Variants in MUC12 observed in about 807,000 individuals in gnomAD.
MUC12 encodes mucin 12, cell surface associated, also known as mucin-12.
A neutral mutation model predicts 230.8 loss-of-function variants in MUC12; 172 were observed. The ratio of observed to expected loss-of-function variants is 0.75; its 90% CI spans 0.66 to 0.85. The LOEUF is 0.85. Ranked by LOEUF, MUC12 falls within the 40% of genes least tolerant of loss-of-function variation. The probability of loss-of-function intolerance (pLI) is 0.00; values close to 1 mark genes in which losing one functional copy is unlikely to be tolerated. For synonymous variants in MUC12, 1,259 were observed against 2,401.9 expected (o/e 0.52, Z 13.91); for missense variants, 3,506 against 5,920.6 (o/e 0.59, Z 13.38).
rs1157841163 is a variant in MUC12, at chr7:100,990,738, A to T, written c.175A>T (p.Ile59Phe). 2.0e-6 allele frequency: 3 copies of T among 1,537,914 alleles called. No individual in the cohort carries two copies. The highest frequency in any genetic ancestry group is 2.0e-5 in the Admixed American group (1 of 51,006). Reference protein sequence around the residue: ...FSDYGVSVTFITGSTATKHFL... With the variant: ...FSDYGVSVTFFTGSTATKHFL... The stretch of plus-strand genomic sequence containing the variant: ...TGACTATGGGGTGTCAGTCACATTT[A>T]TCACGGGCTCAACTGCAACAAAACA... The change falls in exon 2 of 12, where the codon ATC becomes TTC. Residue 59 changes from isoleucine (I) to phenylalanine (F), a missense_variant. Ile to Phe is a conservative substitution (Grantham distance 21). Coordinates refer to ENST00000536621, the MANE Select transcript of MUC12 (RefSeq NM_001164462.2).
rs201625257 is a variant in MUC12, at chr7:101,006,566, C to T, written c.15052C>T (p.Pro5018Ser). 7.5e-4 allele frequency: 1,157 copies of T among 1,535,322 alleles called. No individual in the cohort carries two copies. Among genetic ancestry groups the T allele is most frequent in the Non-Finnish European group, 9.4e-4 (1,071 of 1,145,188 alleles). ...GTGCTTGTCCCCTCTGGAATCCTTC[C>T]CTGTAGGTAATGACCTTTTCTGAGA... The part of the protein sequence containing the change: ...YQCLSPLESF[P>S]VETPEKLNAT... Residue 5018 changes from proline (P) to serine (S), a missense_variant, in exon 3 of 12, where the codon CCT (proline) becomes TCT (serine). Transcript: ENST00000536621.
chr7:100,971,571 G>A (rs1447118814), intron 1 of MUC12, among the ~76,000 whole-genome samples: 5 of 152,308 alleles, frequency 3.3e-5, no homozygotes, highest in African/African-American at 9.6e-5. Context: ...ACCCCCACCC[G>A]GACATGTTGG....
chr7:101,003,607 C>G lies in MUC12; in HGVS notation c.13044C>G (p.Ala4348=). Residue 4348 remains alanine (A), a synonymous_variant, in exon 2 of 12, where the codon GCC becomes GCG. Transcript: ENST00000536621. ...TTPAPPTTTS[A]FVELSTTSHG... ...CTGCACCTCCTACTACCACATCAGC[C>G]TTTGTTGAGCTATCTACAACCTCCC... 2.0e-6 allele frequency: 3 copies of G among 1,529,988 alleles called. No individual in the cohort carries two copies. Among genetic ancestry groups the G allele is most frequent in the South Asian group, 2.4e-5 (2 of 83,880 alleles). The allele number at this position is 1,529,988 out of a possible 1,614,324, so 94.8% of individuals were successfully genotyped here. A position where few individuals can be genotyped will look rare whatever the true frequency, so the allele number is the denominator to read the frequency against.
rs1366830109 is a variant in MUC12, at chr7:101,012,904, T to G, written c.15475+14T>G. 3.3e-6 allele frequency: 5 copies of G among 1,537,126 alleles called. No individual in the cohort carries two copies. Among genetic ancestry groups the G allele is most frequent in the Non-Finnish European group, 4.4e-6 (5 of 1,146,908 alleles). ...TTGACTTCCAGGGTAAGCGACTACG[T>G]GGAGCGTGGGCACTAAGAGTGGGGG... On this transcript the variant is annotated intron_variant, in intron 7 of 11. Coordinates refer to ENST00000536621, the MANE Select transcript of MUC12 (RefSeq NM_001164462.2).
intron 1 of MUC12, among the ~76,000 whole-genome samples, chr7:100,974,931 G>A (rs1400904109): frequency 6.6e-6 from 1 of 152,306 alleles, no homozygotes; most frequent in Non-Finnish European, 1.5e-5. Flanking sequence ...CTCTTGAGAG[G>A]CACCGAGAGC....
Position 100,995,716 on chromosome 7 carries a change from G to A in MUC12, c.5153G>A (p.Gly1718Asp), listed in dbSNP as rs1793466126. Residue 1718 changes from glycine to aspartate, a missense_variant, in exon 2 of 12, where the codon GGC becomes GAC. Physicochemically the swap from Gly to Asp is moderately conservative, Grantham distance 94. Coordinates refer to ENST00000536621, the MANE Select transcript of MUC12 (RefSeq NM_001164462.2). The part of the protein sequence containing the change: ...AFVELSTTSH[G>D]SPSSTPTTHF... ...GTTGAGCTATCTACAACCTCCCACG[G>A]CAGCCCGAGCTCAACTCCAACAACC... 6.5e-7 allele frequency: 1 copy of A among 1,535,938 alleles called. No individual in the cohort carries two copies. Among genetic ancestry groups the A allele is most frequent in the Non-Finnish European group, 8.7e-7 (1 of 1,146,624 alleles).
At position 100,969,572 on chromosome 7, in the gene MUC12, G is replaced by C. The variant is rs1792798389; in HGVS notation, c.-51G>C. On this transcript the variant is annotated 5_prime_UTR_variant, in exon 1 of 12. Coordinates refer to ENST00000536621, the MANE Select transcript of MUC12 (RefSeq NM_001164462.2). ...CCTTCCTGGGAGGCCTTCATTTCTT[G>C]GTCCCTCCTGATGAGAGAAGATGGG... 29 of 1,537,028 alleles carry C rather than the reference G, an allele frequency of 1.9e-5. No individual in the cohort carries two copies. Among genetic ancestry groups the C allele is most frequent in the African/African-American group, 2.7e-5 (2 of 73,078 alleles).
In MUC12 at chr7:101,013,805, T is replaced by C. The variant is rs1793875707; in HGVS notation, c.15639-108T>C. 3.9e-6 allele frequency: 5 copies of C among 1,284,730 alleles called. No individual in the cohort carries two copies. The Admixed American group carries it at 8.9e-5, about 23-fold the overall frequency. The allele number at this position is 1,284,730 out of a possible 1,614,324, so 79.6% of individuals were successfully genotyped here. A position where few individuals can be genotyped will look rare whatever the true frequency, so the allele number is the denominator to read the frequency against. ...TCTCTGGGGGCTGAGCTCCAGCCGT[T>C]GGAGTGAGGGAGATCTGGTTTCCTG... On this transcript the variant is annotated intron_variant, in intron 8 of 11. Coordinates refer to ENST00000536621, the MANE Select transcript of MUC12 (RefSeq NM_001164462.2).
In MUC12 at chr7:101,005,425, A is replaced by G; in HGVS notation, c.14862A>G (p.Thr4954=). The G allele has an allele frequency of 6.5e-7, 1 of 1,537,884 alleles. No homozygotes were observed. The highest frequency in any genetic ancestry group is 8.7e-7 in the Non-Finnish European group (1 of 1,147,046). ...CACTCTTTCCTGCGAGTTCCAGCAC[A>G]TCAGGCCTCACTGAGGAATCTACCA... The part of the protein sequence containing the change: ...YTTLFPASSS[T]SGLTEESTTF... Residue 4954 remains threonine, a synonymous_variant, in exon 2 of 12, where the codon ACA becomes ACG. Transcript: ENST00000536621.
At chr7:100,983,884 C>G (rs1793146460) in intron 1 of MUC12, among the ~76,000 whole-genome samples, 1 of 152,122 alleles carries the variant, frequency 6.6e-6, no homozygotes, top group Non-Finnish European at 1.5e-5. Flanking sequence ...CAAGAGACTC[C>G]CATTTTTAAA....
chr7:100,974,806 CA>C (rs1792991744), intron 1 of MUC12, among the ~76,000 whole-genome samples: 1 of 152,180 alleles, frequency 6.6e-6, no homozygotes, highest in Non-Finnish European at 1.5e-5. Context: ...GCCTGGGCAA[CA>C]GAGAGAGACC....
intron 1 of MUC12, among the ~76,000 whole-genome samples, chr7:100,982,212 C>G (rs1367619222): frequency 6.6e-6 from 1 of 152,006 alleles, no homozygotes; most frequent in Non-Finnish European, 1.5e-5. Flanking sequence ...TGGCTTTTTA[C>G]TGAACTTAGT....
Position 101,001,124 on chromosome 7 carries a change from A to C in MUC12, c.10561A>C (p.Thr3521Pro). 8.9e-7 allele frequency: 1 copy of C among 1,127,664 alleles called. No individual in the cohort carries two copies. Among genetic ancestry groups the C allele is most frequent in the East Asian group, 2.6e-5 (1 of 39,066 alleles). 69.9% of individuals were successfully genotyped at this position (1,127,664 alleles called of 1,614,324 possible). ...TTPGLSRHST[T>P]SHSSPGSTDT... ...GCCAGGCCTCAGTCGGCATTCTACAACTTCCCACAGCAGCCCAGGCTCAAC... is the reference window on the plus strand; with the variant it reads ...GCCAGGCCTCAGTCGGCATTCTACACCTTCCCACAGCAGCCCAGGCTCAAC... Residue 3521 changes from threonine to proline, a missense_variant, in exon 2 of 12, where the codon ACT (threonine) becomes CCT (proline). Thr to Pro is a conservative substitution (Grantham distance 38, BLOSUM62 -1). Transcript: ENST00000536621.
chr7:100,985,920 G>A (rs1793180735), intron 1 of MUC12, among the ~76,000 whole-genome samples: 1 of 152,144 alleles, frequency 6.6e-6, no homozygotes, highest in Non-Finnish European at 1.5e-5. Flanking sequence ...CATCCTCTCT[G>A]ACCCTTGTAT....
chr7:100,988,063 G>A (rs1793221686), intron 1 of MUC12, among the ~76,000 whole-genome samples: 2 of 151,948 alleles, frequency 1.3e-5, no homozygotes, highest in African/African-American at 4.8e-5. Context: ...ACTCTGAGAG[G>A]CCAAGGCAGG....
At chr7:100,970,643 G>A (rs995784626) in intron 1 of MUC12, among the ~76,000 whole-genome samples, 4 of 152,262 alleles carry the variant, frequency 2.6e-5, no homozygotes, top group Non-Finnish European at 5.9e-5. Flanking sequence ...GGATGCCGAG[G>A]CAGGCAGATC....
chr7:100,988,939 C>G (rs1185751515), intron 1 of MUC12, among the ~76,000 whole-genome samples: 4 of 152,122 alleles, frequency 2.6e-5, no homozygotes, highest in African/African-American at 9.7e-5. Flanking sequence ...ACCCCTTTCA[C>G]TTGGCTCTCA....
At position 101,005,328 on chromosome 7, in the gene MUC12, C is replaced by T. The variant is rs988235454; in HGVS notation, c.14765C>T (p.Ala4922Val). The change falls in exon 2 of 12, where the codon GCC becomes GTC. Residue 4922 changes from alanine to valine, a missense_variant. Transcript: ENST00000536621. ...GCAACTGGAACAACACCCTTACCTG[C>T]CCGCTCCACAGCCTCAGACCTTGTT... is the stretch of plus-strand genomic sequence containing the variant. ...SDATGTTPLPARSTASDLVGE... is the reference protein window; with the variant it reads ...SDATGTTPLPVRSTASDLVGE... The T allele has an allele frequency of 2.0e-6, 3 of 1,537,796 alleles. No homozygotes were observed. Among genetic ancestry groups the T allele is most frequent in the African/African-American group, 2.7e-5 (2 of 73,036 alleles).
chr7:100,978,370 C>T (rs909635558), intron 1 of MUC12, among the ~76,000 whole-genome samples: 2 of 152,158 alleles, frequency 1.3e-5, no homozygotes, highest in African/African-American at 4.8e-5. Flanking sequence ...GCAGAATGTG[C>T]ACCTAGAACT....
Sources: allele counts gnomAD v4.1 joint callset (sites outside exome capture counted in the v4.1 genomes callset), GRCh38; gene constraint gnomAD v4.1.1; transcripts MANE v1.5; gene names NCBI Gene and HGNC (gene_info 2026-07-23, HGNC 2026-07-21).